DIP2B: variants seen among roughly 807,000 people sequenced by gnomAD.
The protein encoded by DIP2B is disco-interacting protein 2 homolog B.
In DIP2B, 76 loss-of-function variants were observed where a neutral mutation model predicts 198.0. The observed-to-expected ratio is 0.38, with a 90% CI of 0.32 to 0.46. The LOEUF is 0.46. Ranked by LOEUF, DIP2B falls within the 20% of genes least tolerant of loss-of-function variation. DIP2B has a pLI of 0.99. For missense variants in DIP2B, 1,559 were observed against 1,978.4 expected (o/e 0.79, Z 4.02); for synonymous variants, 701 against 739.1 (o/e 0.95, Z 0.84).
intron 1 of DIP2B, among the ~76,000 whole-genome samples, chr12:50,566,486 G>T (rs1484364866): frequency 6.6e-6 from 1 of 152,054 alleles, no homozygotes; most frequent in Non-Finnish European, 1.5e-5. Flanking sequence ...CCTTCAATCT[G>T]TGAATTTATG....
rs1289668552 is a variant in DIP2B at position 50,581,377 on chromosome 12, A to G, written c.101-44599A>G. Among the ~76,000 whole-genome samples the G allele has an allele frequency of 3.3e-5, 5 of 149,428 alleles. 1 individual carries two copies. The East Asian group carries it at 1.2e-3, about 35-fold the overall frequency. On this transcript the variant is annotated intron_variant, in intron 1 of 37. Coordinates refer to ENST00000301180, the MANE Select transcript of DIP2B (RefSeq NM_173602.3). ...GAAATAATATCCACCCTCCTGGGCA[A>G]CCAGTTCTGTCAGTAAAACCAGTCA...
rs201590808 is a variant in DIP2B at position 50,723,296 on chromosome 12, G to A, written c.3261G>A (p.Thr1087=). ...CACATGCTCAGAACCTCACGGCCAC[G>A]CTGCCCACTGTCCGAATGATTGTTG... The part of the protein sequence containing the change: ...RPPHAQNLTA[T]LPTVRMIVDV... Residue 1087 remains threonine (T), a synonymous_variant, in exon 27 of 38, where the codon ACG becomes ACA. Transcript: ENST00000301180. 19 of 1,614,122 alleles carry A rather than the reference G, an allele frequency of 1.2e-5. No individual in the cohort carries two copies. The highest frequency in any genetic ancestry group is 1.7e-5 in the Admixed American group (1 of 60,006).
At chr12:50,559,709 CCACACACACA>C (rs55678718) in intron 1 of DIP2B, among the ~76,000 whole-genome samples, 33 of 139,518 alleles carry the variant, frequency 2.4e-4, no homozygotes, top group African/African-American at 8.2e-4. Flanking sequence ...GTGACAGAAA[CCACACACACA>C]CACACACACA....
chr12:50,723,955 G>GTCTTCT (rs1939886189), intron 27 of DIP2B, among the ~76,000 whole-genome samples: 15 of 152,150 alleles, frequency 9.9e-5, no homozygotes, highest in Admixed American at 7.9e-4. Flanking sequence ...GTTTTTATAG[G>GTCTTCT]ATATGAGAGT....
chr12:50,668,969 A>G (rs573954911), intron 4 of DIP2B, among the ~76,000 whole-genome samples: 3 of 151,140 alleles, frequency 2.0e-5, no homozygotes, highest in African/African-American at 7.3e-5. Context: ...TTTGCATGAT[A>G]GATCTCATTC....
At chr12:50,729,131 C>T (rs1248249407) in intron 30 of DIP2B, among the ~76,000 whole-genome samples, 1 of 152,194 alleles carries the variant, frequency 6.6e-6, no homozygotes, top group Non-Finnish European at 1.5e-5. Flanking sequence ...CAGCTCCTCT[C>T]ACCATTCCCC....
In DIP2B at chr12:50,703,984, A is replaced by G. The variant is rs547598679; in HGVS notation, c.2326-156A>G. The stretch of plus-strand genomic sequence containing the variant: ...AAAAGTCTAGAGAGGTAAACAATAA[A>G]TTGTAATTATTTCTTATCTCTAAAG... On this transcript the variant is annotated intron_variant, in intron 19 of 37. Coordinates refer to ENST00000301180, the MANE Select transcript of DIP2B (RefSeq NM_173602.3). 2.0e-5 allele frequency among the ~76,000 whole-genome samples: 3 copies of G among 151,668 alleles called. No homozygotes were observed. The East Asian group carries it at 5.8e-4, about 29-fold the overall frequency.
At chr12:50,654,016 G>A (rs1409296167) in intron 3 of DIP2B, among the ~76,000 whole-genome samples, 1 of 152,024 alleles carries the variant, frequency 6.6e-6, no homozygotes, top group Non-Finnish European at 1.5e-5. Flanking sequence ...TGGGATTACA[G>A]GTGCACGCTA....
Position 50,735,048 on chromosome 12 carries a change from TATAGTAA to T in DIP2B, c.4044-21_4044-15del, listed in dbSNP as rs757497908. 1 of 1,614,018 alleles carries T rather than the reference TATAGTAA, an allele frequency of 6.2e-7. No individual in the cohort carries two copies. Among genetic ancestry groups the T allele is most frequent in the Admixed American group, 1.7e-5 (1 of 60,012 alleles). Reference sequence around the variant, plus strand: ...GACTTCTCCTCTTAAAAGCCCTATATATAGTAAATACCGTTCTTCTGCAGGGTTCGTC... The same window carrying T: ...GACTTCTCCTCTTAAAAGCCCTATATATACCGTTCTTCTGCAGGGTTCGTC... On this transcript the variant is annotated intron_variant, in intron 33 of 37. Transcript: ENST00000301180.
intron 1 of DIP2B, among the ~76,000 whole-genome samples, chr12:50,508,919 C>T (rs549521462): frequency 4.6e-5 from 7 of 152,222 alleles, no homozygotes; most frequent in South Asian, 4.1e-4. Context: ...AGGTGGGTCT[C>T]GATCTCCCGA....
chr12:50,523,196 T>C (rs1257537386), intron 1 of DIP2B, among the ~76,000 whole-genome samples: 1 of 152,202 alleles, frequency 6.6e-6, no homozygotes, highest in Non-Finnish European at 1.5e-5. Context: ...TCAAGTCTGC[T>C]AAAAAATGGC....
intron 1 of DIP2B, among the ~76,000 whole-genome samples, chr12:50,587,046 A>T (rs1401160566): frequency 1.3e-5 from 2 of 152,136 alleles, no homozygotes; most frequent in Non-Finnish European, 2.9e-5. Flanking sequence ...GTACCTTTAG[A>T]TTTTGAACCA....
At chr12:50,738,123 C>T (rs556589757) in intron 35 of DIP2B, among the ~76,000 whole-genome samples, 21 of 151,900 alleles carry the variant, frequency 1.4e-4, no homozygotes, top group African/African-American at 3.6e-4. Context: ...GGGTGAATCA[C>T]GAGGTCAAGA....
At chr12:50,659,911 A>G (rs1311892133) in intron 3 of DIP2B, among the ~76,000 whole-genome samples, 1 of 150,626 alleles carries the variant, frequency 6.6e-6, no homozygotes, top group East Asian at 2.0e-4. Context: ...GTCCCCACCC[A>G]CCTCCCCACA....
Position 50,704,142 on chromosome 12 carries a change from A to G in DIP2B, c.2328A>G (p.Val776=). Residue 776 remains valine (V), a splice_region_variant and synonymous_variant, in exon 20 of 38, where the codon GTA becomes GTG. Transcript: ENST00000301180. Reference sequence around the variant, plus strand: ...ACTTACTTCATTTTGTCTCTTAGGTAATTCCAGTGAATTCTGCAGGCTCTC... The same window carrying G: ...ACTTACTTCATTTTGTCTCTTAGGTGATTCCAGTGAATTCTGCAGGCTCTC... ...LAGVTKNTFE[V]IPVNSAGSPV... The G allele has an allele frequency of 6.2e-7, 1 of 1,607,168 alleles. No homozygotes were observed. The highest frequency in any genetic ancestry group is 8.5e-7 in the Non-Finnish European group (1 of 1,178,750).
At chr12:50,515,327 G>A (rs1427335181) in intron 1 of DIP2B, among the ~76,000 whole-genome samples, 4 of 151,172 alleles carry the variant, frequency 2.6e-5, no homozygotes, top group Middle Eastern at 3.5e-3. Flanking sequence ...CCCCTCTCCC[G>A]GGTTAAAACA....
At chr12:50,548,277 A>G (rs551614608) in intron 1 of DIP2B, among the ~76,000 whole-genome samples, 1 of 152,130 alleles carries the variant, frequency 6.6e-6, no homozygotes, top group South Asian at 2.1e-4. Context: ...AAATAAAATG[A>G]TCTTAAGAAA....
chr12:50,735,335 C>T (rs186985888), intron 34 of DIP2B, among the ~76,000 whole-genome samples: 1 of 152,046 alleles, frequency 6.6e-6, no homozygotes, highest in East Asian at 1.9e-4. Context: ...TAATTTCCAT[C>T]GATTTTTAAA....
chr12:50,521,367 A>C (rs578204264), intron 1 of DIP2B, among the ~76,000 whole-genome samples: 7 of 151,846 alleles, frequency 4.6e-5, no homozygotes, highest in Non-Finnish European at 1.0e-4. Flanking sequence ...AGCCTCCCAA[A>C]GTGCTGGGAT....
Sources: gnomAD v4.1 joint callset for allele counts (sites outside exome capture counted in the v4.1 genomes callset) on GRCh38, gnomAD v4.1.1 for gene constraint, MANE v1.5 for transcripts, NCBI Gene and HGNC (gene_info 2026-07-23, HGNC 2026-07-21) for gene names.